Variants in RBMS1 observed in about 807,000 individuals in gnomAD.
RBMS1 encodes RNA-binding motif, single-stranded-interacting protein 1.
A neutral mutation model predicts 62.3 loss-of-function variants in RBMS1; 17 were observed. That is an observed-to-expected ratio of 0.27 (90% CI 0.19 to 0.41). The LOEUF (loss-of-function observed/expected upper bound fraction) is 0.41. Among genes scored for constraint, RBMS1 ranks in the 10% least tolerant of loss-of-function variants. The pLI, the probability that RBMS1 is intolerant of heterozygous loss-of-function variation, is 1.00. For missense variants in RBMS1, 334 were observed against 504.5 expected, an observed-to-expected ratio of 0.66 and a Z score of 3.24; for synonymous variants, 172 against 170.0, an observed-to-expected ratio of 1.01 and a Z score of -0.09.
At chr2:160,426,156 T>G (rs1373813251) in intron 1 of RBMS1, among the ~76,000 whole-genome samples, 1 of 150,706 alleles carries the variant, frequency 6.6e-6, no homozygotes, top group Non-Finnish European at 1.5e-5. Flanking sequence ...GTTCATTTTA[T>G]CATCCCAATT....
intron 1 of RBMS1, among the ~76,000 whole-genome samples, chr2:160,430,933 G>A (rs1404512183): frequency 6.6e-6 from 1 of 151,458 alleles, no homozygotes; most frequent in Non-Finnish European, 1.5e-5. Flanking sequence ...CAGGTCCTTT[G>A]CATTTTGGTT....
At chr2:160,418,854 C>G (rs546631341) in intron 1 of RBMS1, among the ~76,000 whole-genome samples, 146 of 152,244 alleles carry the variant, frequency 9.6e-4, no homozygotes, top group Middle Eastern at 3.4e-3. Flanking sequence ...ACATACCAAA[C>G]TACTGATATA....
intron 2 of RBMS1, among the ~76,000 whole-genome samples, chr2:160,355,799 C>G (rs1292788505): frequency 2.6e-5 from 4 of 152,076 alleles, no homozygotes; most frequent in Non-Finnish European, 2.9e-5. Flanking sequence ...TTTGTAATCT[C>G]AGTAGTAACT....
At chr2:160,288,340 A>G (rs1261469207) in intron 6 of RBMS1, among the ~76,000 whole-genome samples, 2 of 152,170 alleles carry the variant, frequency 1.3e-5, no homozygotes, top group East Asian at 3.8e-4. Flanking sequence ...TTATTATCCT[A>G]ATTCATCTCT....
intron 1 of RBMS1, among the ~76,000 whole-genome samples, chr2:160,440,139 G>T: frequency 3.2e-5 from 1 of 30,974 alleles, no homozygotes; most frequent in East Asian, 3.1e-3. Context: ...CTGAGACAGA[G>T]TCTCTGTTGC....
At chr2:160,318,137 C>G in intron 3 of RBMS1, 32 bp downstream of exon 3, 1 of 1,520,076 alleles carries the variant, frequency 6.6e-7, no homozygotes, top group Non-Finnish European at 8.8e-7. Context: ...CTAAAGCTAT[C>G]ATTTACCAAA....
At chr2:160,451,961 T>C (rs1028593836) in intron 1 of RBMS1, among the ~76,000 whole-genome samples, 11 of 152,130 alleles carry the variant, frequency 7.2e-5, no homozygotes, top group Admixed American at 4.6e-4. Flanking sequence ...ATCTAAGTTT[T>C]TTTTCAAATT....
chr2:160,278,421 G>T (rs72998721), intron 11 of RBMS1, 127 bp downstream of exon 11: 18 of 762,018 alleles, frequency 2.4e-5, no homozygotes, highest in Admixed American at 4.2e-5. Flanking sequence ...AAGGTCATGT[G>T]GGGGGAAGAG....
chr2:160,441,514 A>G (rs923752625), intron 1 of RBMS1, among the ~76,000 whole-genome samples: 2 of 152,240 alleles, frequency 1.3e-5, no homozygotes, highest in Non-Finnish European at 2.9e-5. Context: ...GCTTGAGGCC[A>G]GGAGTTCAAG....
At chr2:160,418,960 A>C (rs1342572132) in intron 1 of RBMS1, among the ~76,000 whole-genome samples, 1 of 152,216 alleles carries the variant, frequency 6.6e-6, no homozygotes, top group Admixed American at 6.5e-5. Context: ...TTAAAAATGT[A>C]TGCAAGTCCT....
At chr2:160,473,212 T>C (rs141225521) in intron 1 of RBMS1, among the ~76,000 whole-genome samples, 117 of 152,338 alleles carry the variant, frequency 7.7e-4, no homozygotes, top group Non-Finnish European at 1.3e-3. Context: ...AATGTTGCGC[T>C]CTAAGGTTGT....
At chr2:160,391,707 G>A (rs1694872453) in intron 1 of RBMS1, among the ~76,000 whole-genome samples, 1 of 152,252 alleles carries the variant, frequency 6.6e-6, no homozygotes, top group Non-Finnish European at 1.5e-5. Context: ...GCTGGGCACA[G>A]TGGCTCATGC....
intron 1 of RBMS1, among the ~76,000 whole-genome samples, chr2:160,439,378 C>T (rs1217766359): frequency 5.1e-5 from 7 of 138,508 alleles, no homozygotes; most frequent in African/African-American, 1.1e-4. Context: ...ACTTCTCAGA[C>T]GGGGCGGCCG....
chr2:160,272,401 A>G lies in RBMS1; in HGVS notation c.*2371T>C, dbSNP rs1330129839. On this transcript the variant is annotated 3_prime_UTR_variant, in exon 14 of 14. Coordinates refer to ENST00000348849, the MANE Select transcript of RBMS1 (RefSeq NM_016836.4). ...ATCTCTATGAAAATCTTTTTTTTTCAATCTGTACAAAAGGTCTTTCTTCAT... is the reference window on the plus strand; with the variant it reads ...ATCTCTATGAAAATCTTTTTTTTTCGATCTGTACAAAAGGTCTTTCTTCAT... 2 of 152,042 alleles carry G rather than the reference A, an allele frequency of 1.3e-5. No individual in the cohort carries two copies. The highest frequency in any genetic ancestry group is 2.9e-5 in the Non-Finnish European group (2 of 68,000). The allele number at this position is 152,042 out of a possible 1,614,324, so 9.4% of individuals were successfully genotyped here. A position where few individuals can be genotyped will look rare whatever the true frequency, so the allele number is the denominator to read the frequency against.
chr2:160,490,616 A>C (rs542227806), intron 1 of RBMS1, among the ~76,000 whole-genome samples: 1 of 152,302 alleles, frequency 6.6e-6, no homozygotes, highest in South Asian at 2.1e-4. Context: ...GAAAATTACA[A>C]AATAAGTTTA....
At chr2:160,435,485 T>G (rs1250775177) in intron 1 of RBMS1, among the ~76,000 whole-genome samples, 1 of 152,218 alleles carries the variant, frequency 6.6e-6, no homozygotes, top group African/African-American at 2.4e-5. Context: ...TTCAGAGTAT[T>G]TAATAAAGGA....
At chr2:160,345,767 T>TA (rs1692140759) in intron 2 of RBMS1, among the ~76,000 whole-genome samples, 1 of 152,160 alleles carries the variant, frequency 6.6e-6, no homozygotes. Flanking sequence ...TCTGATTGGC[T>TA]AGAGTCTGTT....
At chr2:160,337,070 T>G (rs1234626807) in intron 2 of RBMS1, among the ~76,000 whole-genome samples, 1 of 152,180 alleles carries the variant, frequency 6.6e-6, no homozygotes, top group Non-Finnish European at 1.5e-5. Flanking sequence ...TCTGAGAATG[T>G]CTGAATAGCA....
rs5835799 is a variant in RBMS1 at position 160,318,229 on chromosome 2, TAAAA to T, written c.252-6_252-3del. ...TTTGTGGAGACTATTTTCCCATATC[TAAAA>T]AAAAAAAAAAAAAAAAAAAGGAAAA... On this transcript the variant is annotated splice_polypyrimidine_tract_variant and splice_region_variant and intron_variant, in intron 2 of 13. Transcript: ENST00000348849. 5,352 of 1,152,632 alleles carry T rather than the reference TAAAA, an allele frequency of 4.6e-3. No homozygotes were observed. Among genetic ancestry groups the T allele is most frequent in the Admixed American group, 8.3e-3 (148 of 17,840 alleles). The allele number at this position is 1,152,632 out of a possible 1,614,324, so 71.4% of individuals were successfully genotyped here.
Sources: gnomAD v4.1 joint callset for allele counts (sites outside exome capture counted in the v4.1 genomes callset) on GRCh38, gnomAD v4.1.1 for gene constraint, MANE v1.5 for transcripts, NCBI Gene and HGNC (gene_info 2026-07-23, HGNC 2026-07-21) for gene names.